The following FUT8 variants were observed in gnomAD, a reference collection of about 807,000 sequenced individuals.
FUT8 encodes the protein fucosyltransferase 8.
In FUT8, 29 loss-of-function variants were observed where a neutral mutation model predicts 71.3. The observed-to-expected ratio is 0.41, with a 90% CI of 0.30 to 0.55. The LOEUF (loss-of-function observed/expected upper bound fraction) is 0.55. Ranked by LOEUF, FUT8 falls within the 20% of genes least tolerant of loss-of-function variation. The probability of loss-of-function intolerance (pLI) is 0.34; values close to 1 mark genes in which losing one functional copy is unlikely to be tolerated. For missense variants in FUT8, 544 were observed against 702.1 expected, an observed-to-expected ratio of 0.77 and a Z score of 2.55; for synonymous variants, 254 against 239.3, an observed-to-expected ratio of 1.06 and a Z score of -0.57.
At chr14:65,703,930 T>G (rs1894437170) in intron 7 of FUT8, among the ~76,000 whole-genome samples, 1 of 152,240 alleles carries the variant, frequency 6.6e-6, no homozygotes, top group Non-Finnish European at 1.5e-5. Flanking sequence ...CATAGAAATC[T>G]TAAGTGTTTT....
At chr14:65,363,996 G>C in the FUT8 span, among the ~76,000 whole-genome samples, 3 of 152,126 alleles carry the variant, frequency 2.0e-5, no homozygotes, top group African/African-American at 4.8e-5. Flanking sequence ...ATGTGCTCCT[G>C]GGTGATTCTG....
chr14:65,444,277 A>C (rs559479191), intron 1 of FUT8, among the ~76,000 whole-genome samples: 95 of 152,368 alleles, frequency 6.2e-4, no homozygotes, highest in African/African-American at 2.2e-3. Flanking sequence ...AAAGCAAAAC[A>C]AAAACAAACC....
At chr14:65,571,616 C>T (rs1028161987) in intron 3 of FUT8, among the ~76,000 whole-genome samples, 1 of 152,098 alleles carries the variant, frequency 6.6e-6, no homozygotes, top group Non-Finnish European at 1.5e-5. Flanking sequence ...TTTTTACATA[C>T]TATTGCCATT....
rs1238806645 is a variant in FUT8 at position 65,702,363 on chromosome 14, G to A, written c.836-19412G>A. On this transcript the variant is annotated intron_variant, in intron 7 of 10. Coordinates refer to ENST00000673929, the MANE Select transcript of FUT8 (RefSeq NM_001371533.1). The stretch of plus-strand genomic sequence containing the variant: ...TCCATCTCAAAAAAAAAAAAAAAGG[G>A]AACAAGAAAGTACCTCATCACAACT... Among the ~76,000 whole-genome samples, 9 of 151,512 alleles carry A rather than the reference G, an allele frequency of 5.9e-5. No individual in the cohort carries two copies. The South Asian group carries it at 1.0e-3, about 18-fold the overall frequency.
At chr14:65,594,863 G>T (rs537438430) in intron 3 of FUT8, among the ~76,000 whole-genome samples, 10 of 152,124 alleles carry the variant, frequency 6.6e-5, no homozygotes, top group Admixed American at 3.3e-4. Context: ...CTGAGTCTGG[G>T]GTCTTTATAG....
intron 1 of FUT8, among the ~76,000 whole-genome samples, chr14:65,423,326 A>G (rs1566737756): frequency 6.7e-6 from 1 of 148,558 alleles, no homozygotes; most frequent in African/African-American, 2.5e-5. Context: ...CAGTGGCGCA[A>G]TCTCTGCTCA....
chr14:65,691,402 GTTCT>G (rs1157493947), intron 7 of FUT8, among the ~76,000 whole-genome samples: 1 of 151,076 alleles, frequency 6.6e-6, no homozygotes, highest in Admixed American at 6.6e-5. Context: ...GTTTGTAGAT[GTTCT>G]TTCTTGCTGA....
At chr14:65,651,310 C>CAG (rs1214277437) in intron 6 of FUT8, among the ~76,000 whole-genome samples, 11 of 152,208 alleles carry the variant, frequency 7.2e-5, no homozygotes, top group African/African-American at 2.7e-4. Context: ...TGTGTTATAC[C>CAG]ACCCAGGTTT....
At chr14:65,658,672 T>C (rs61154472) in intron 6 of FUT8, among the ~76,000 whole-genome samples, 4,704 of 152,252 alleles carry the variant, frequency 0.031, 152 homozygotes, top group East Asian at 0.17. Flanking sequence ...GATTAACTAC[T>C]ATCTAATTCC....
intron 3 of FUT8, among the ~76,000 whole-genome samples, chr14:65,612,372 A>G (rs1274229953): frequency 6.6e-6 from 1 of 152,218 alleles, no homozygotes; most frequent in Non-Finnish European, 1.5e-5. Context: ...TTTACCCAGC[A>G]TCCCATGAAT....
chr14:65,510,005 A>C (rs1229528217), intron 2 of FUT8, among the ~76,000 whole-genome samples: 1 of 152,058 alleles, frequency 6.6e-6, no homozygotes, highest in Non-Finnish European at 1.5e-5. Flanking sequence ...CATCCTTGTT[A>C]TGTTTCAGAT....
chr14:65,533,931 T>C (rs531959329), intron 2 of FUT8, among the ~76,000 whole-genome samples: 4 of 152,220 alleles, frequency 2.6e-5, no homozygotes, highest in Admixed American at 6.5e-5. Flanking sequence ...ATCATACTTA[T>C]TGATTTGCAT....
At chr14:65,440,671 T>C (rs187914635) in intron 1 of FUT8, among the ~76,000 whole-genome samples, 194 of 152,326 alleles carry the variant, frequency 1.3e-3, no homozygotes, top group African/African-American at 4.5e-3. Flanking sequence ...TGTATCCATC[T>C]GGAGTTCCTC....
At chr14:65,702,267 C>T (rs1894336785) in intron 7 of FUT8, among the ~76,000 whole-genome samples, 1 of 151,804 alleles carries the variant, frequency 6.6e-6, no homozygotes. Context: ...ATCGCTTGAA[C>T]CCGGGAGGCG....
intron 2 of FUT8, among the ~76,000 whole-genome samples, chr14:65,502,702 T>G (rs56357141): frequency 0.028 from 4,208 of 152,324 alleles, 93 homozygotes; most frequent in Middle Eastern, 0.051. Flanking sequence ...GTTTTAAAAT[T>G]GGTTGCTTAT....
chr14:65,679,182 G>T (rs1892913020), intron 7 of FUT8, among the ~76,000 whole-genome samples: 1 of 152,134 alleles, frequency 6.6e-6, no homozygotes, highest in Non-Finnish European at 1.5e-5. Context: ...TTGGGGAGTA[G>T]GTTAAATACC....
At chr14:65,659,003 G>A (rs1223135076) in intron 6 of FUT8, among the ~76,000 whole-genome samples, 3 of 151,972 alleles carry the variant, frequency 2.0e-5, no homozygotes, top group Non-Finnish European at 4.4e-5. Context: ...TGGAAGGTAC[G>A]CTGTAAGTAT....
intron 9 of FUT8, among the ~76,000 whole-genome samples, chr14:65,731,787 A>G (rs1295569739): frequency 1.3e-5 from 2 of 152,076 alleles, no homozygotes. Context: ...GAGCCACCGC[A>G]CCCAGCCTTA....
At chr14:65,431,159 C>CT (rs2065467439) in intron 1 of FUT8, among the ~76,000 whole-genome samples, 1 of 133,740 alleles carries the variant, frequency 7.5e-6, no homozygotes, top group African/African-American at 2.5e-5. Flanking sequence ...CTATACCCGG[C>CT]TAATTTTTTT....
Sources: gnomAD v4.1 joint callset for allele counts (sites outside exome capture counted in the v4.1 genomes callset) on GRCh38, gnomAD v4.1.1 for gene constraint, MANE v1.5 for transcripts, NCBI Gene and HGNC (gene_info 2026-07-23, HGNC 2026-07-21) for gene names.